APBA1: variants seen among roughly 807,000 people sequenced by gnomAD.
The protein encoded by APBA1 is amyloid beta precursor protein binding family A member 1, also known as amyloid-beta A4 precursor protein-binding family A member 1.
In APBA1, 55 loss-of-function variants were observed where a neutral mutation model predicts 86.6. That is an observed-to-expected ratio of 0.64 (90% CI 0.51 to 0.80). The LOEUF (loss-of-function observed/expected upper bound fraction) is 0.80, where lower values mean the gene tolerates loss of function less well. APBA1 is among the 30% of genes least tolerant of loss of function. The pLI, the probability that APBA1 is intolerant of heterozygous loss-of-function variation, is 0.00. For missense variants in APBA1, 1,090 were observed against 1,183.0 expected (o/e 0.92, Z 1.15); for synonymous variants, 511 against 493.9 (o/e 1.03, Z -0.46).
At chr9:69,655,003 A>G (rs1443682559) in intron 1 of APBA1, among the ~76,000 whole-genome samples, 1 of 152,216 alleles carries the variant, frequency 6.6e-6, no homozygotes, top group African/African-American at 2.4e-5. Context: ...ATAAAATGTA[A>G]CATCCTTGAT....
At chr9:69,626,176 G>C (rs1014129555) in intron 1 of APBA1, among the ~76,000 whole-genome samples, 1 of 152,174 alleles carries the variant, frequency 6.6e-6, no homozygotes, top group Non-Finnish European at 1.5e-5. Flanking sequence ...AGAGCAGCAA[G>C]CATATTGGTG....
intron 1 of APBA1, among the ~76,000 whole-genome samples, chr9:69,637,553 A>AG (rs1306872886): frequency 3.9e-5 from 6 of 152,208 alleles, no homozygotes; most frequent in African/African-American, 1.4e-4. Flanking sequence ...AAATCCTTGT[A>AG]GGCTGCTTTA....
At chr9:69,518,641 C>T (rs72717190) in intron 1 of APBA1, among the ~76,000 whole-genome samples, 5 of 152,206 alleles carry the variant, frequency 3.3e-5, no homozygotes, top group African/African-American at 9.6e-5. Context: ...TTTGAGATCC[C>T]TATGGTAAAT....
At chr9:69,558,943 TA>T (rs1376844096) in intron 1 of APBA1, among the ~76,000 whole-genome samples, 1 of 152,214 alleles carries the variant, frequency 6.6e-6, no homozygotes, top group African/African-American at 2.4e-5. Context: ...TAGAAGGCTT[TA>T]ACTCCAATTA....
intron 1 of APBA1, among the ~76,000 whole-genome samples, chr9:69,523,562 T>G (rs1836298484): frequency 7.3e-6 from 1 of 136,738 alleles, no homozygotes; most frequent in African/African-American, 2.8e-5. Context: ...CACCCAACAT[T>G]AGAGCACCCA....
intron 1 of APBA1, among the ~76,000 whole-genome samples, chr9:69,671,422 A>T (rs908023104): frequency 2.0e-5 from 3 of 152,130 alleles, no homozygotes; most frequent in Admixed American, 6.5e-5. Flanking sequence ...TCCCCATGTC[A>T]TGAGGCCAGA....
At chr9:69,640,490 CAG>C (rs1382533168) in intron 1 of APBA1, among the ~76,000 whole-genome samples, 1 of 151,718 alleles carries the variant, frequency 6.6e-6, no homozygotes, top group Admixed American at 6.6e-5. Context: ...AATAATATTA[CAG>C]AGTCAACATT....
At chr9:69,501,808 A>G (rs1835884728) in intron 2 of APBA1, among the ~76,000 whole-genome samples, 2 of 152,102 alleles carry the variant, frequency 1.3e-5, no homozygotes, top group African/African-American at 4.8e-5. Context: ...AGCCTCGGTC[A>G]CAGAGTGAGA....
chr9:69,591,195 T>C (rs928860962), intron 1 of APBA1, among the ~76,000 whole-genome samples: 1 of 152,210 alleles, frequency 6.6e-6, no homozygotes, highest in African/African-American at 2.4e-5. Context: ...TGATGTCCAG[T>C]TAACTGCATT....
intron 1 of APBA1, among the ~76,000 whole-genome samples, chr9:69,561,049 G>A (rs1036874186): frequency 5.3e-5 from 8 of 152,246 alleles, no homozygotes; most frequent in Admixed American, 2.0e-4. Context: ...TACACATGTG[G>A]AATATATAAT....
intron 10 of APBA1, among the ~76,000 whole-genome samples, chr9:69,447,680 C>T (rs1011897079): frequency 1.3e-5 from 2 of 152,190 alleles, no homozygotes; most frequent in African/African-American, 2.4e-5. Flanking sequence ...TGACCACAGA[C>T]GATTACATCA....
At chr9:69,519,097 C>T (rs1197517149) in intron 1 of APBA1, among the ~76,000 whole-genome samples, 2 of 152,238 alleles carry the variant, frequency 1.3e-5, no homozygotes, top group African/African-American at 4.8e-5. Context: ...CTCCCATTAA[C>T]TCCTGAGAAC....
chr9:69,578,793 T>C (rs1289115934), intron 1 of APBA1, among the ~76,000 whole-genome samples: 1 of 152,174 alleles, frequency 6.6e-6, no homozygotes, highest in Non-Finnish European at 1.5e-5. Context: ...TCTGCAACAA[T>C]AGTATGTCTG....
intron 1 of APBA1, among the ~76,000 whole-genome samples, chr9:69,573,409 C>T (rs895441702): frequency 2.6e-5 from 4 of 152,140 alleles, no homozygotes; most frequent in Non-Finnish European, 5.9e-5. Flanking sequence ...CTGCAATGAG[C>T]CATGATTGTG....
At chr9:69,670,838 CAGG>C (rs1287725609) in intron 1 of APBA1, among the ~76,000 whole-genome samples, 8 of 152,104 alleles carry the variant, frequency 5.3e-5, no homozygotes, top group African/African-American at 1.7e-4. Context: ...CTGTGGGTCT[CAGG>C]AGATTTCAGT....
In APBA1 at chr9:69,481,426, C is replaced by G. The variant is rs1486839577; in HGVS notation, c.1201-5283G>C. 7.2e-5 allele frequency among the ~76,000 whole-genome samples: 11 copies of G among 152,076 alleles called. No homozygotes were observed. In the East Asian group the frequency reaches 2.1e-3, roughly 29 times the overall value. On this transcript the variant is annotated intron_variant, in intron 2 of 12. Coordinates refer to ENST00000265381, the MANE Select transcript of APBA1 (RefSeq NM_001163.4). ...TCCAACTTACAAGGGATATGAAGGA[C>G]CTCTTCAAGGAGAACTACAAACCAC...
At chr9:69,483,157 CAAA>C (rs1192992471) in intron 2 of APBA1, among the ~76,000 whole-genome samples, 2 of 73,368 alleles carry the variant, frequency 2.7e-5, no homozygotes, top group Admixed American at 1.4e-4. Context: ...AAAAACGAAA[CAAA>C]AAAAAAAAAA....
At chr9:69,599,855 G>A (rs1037383422) in intron 1 of APBA1, among the ~76,000 whole-genome samples, 3 of 152,176 alleles carry the variant, frequency 2.0e-5, no homozygotes, top group East Asian at 1.9e-4. Flanking sequence ...ACATTCGCTC[G>A]AAGGGAGAGG....
chr9:69,527,572 G>A (rs1321269396), intron 1 of APBA1, among the ~76,000 whole-genome samples: 1 of 152,126 alleles, frequency 6.6e-6, no homozygotes, highest in African/African-American at 2.4e-5. Context: ...GCTGAAAGGG[G>A]TGGAGGAGGT....
Sources: gnomAD v4.1 joint callset for allele counts (sites outside exome capture counted in the v4.1 genomes callset) on GRCh38, gnomAD v4.1.1 for gene constraint, MANE v1.5 for transcripts, NCBI Gene and HGNC (gene_info 2026-07-23, HGNC 2026-07-21) for gene names.